EXTL3: variants seen among roughly 807,000 people sequenced by gnomAD.
EXTL3 encodes exostosin like glycosyltransferase 3.
A neutral mutation model predicts 69.3 loss-of-function variants in EXTL3; 27 were observed. That is an observed-to-expected ratio of 0.39 (90% confidence interval 0.29 to 0.54). The LOEUF is 0.54. Ranked by LOEUF, EXTL3 falls within the 20% of genes least tolerant of loss-of-function variation. The pLI is 0.69. For synonymous variants in EXTL3, 511 were observed against 499.4 expected (o/e 1.02, Z -0.31); for missense variants, 1,003 against 1,231.8 (o/e 0.81, Z 2.78).
chr8:28,745,711 G>C (rs1029643827), intron 6 of EXTL3, among the ~76,000 whole-genome samples: 1 of 152,216 alleles, frequency 6.6e-6, no homozygotes, highest in Admixed American at 6.5e-5. Flanking sequence ...AATAGCATCA[G>C]TTACCTGAGC....
Position 28,751,171 on chromosome 8 carries a change from G to A in EXTL3, c.*305G>A, listed in dbSNP as rs920452382. On this transcript the variant is annotated 3_prime_UTR_variant, in exon 7 of 7. Coordinates refer to ENST00000220562, the MANE Select transcript of EXTL3 (RefSeq NM_001440.4). ...TTCGTACGCCCAGGACAGCTGGTTC[G>A]TGGTTTTTACATTCAATAACAACTA... The A allele has an allele frequency of 1.2e-5, 5 of 412,910 alleles. No homozygotes were observed. Among genetic ancestry groups the A allele is most frequent in the African/African-American group, 3.9e-5 (2 of 50,810 alleles). The allele number at this position is 412,910 out of a possible 1,614,324, so 25.6% of individuals were successfully genotyped here.
intron 6 of EXTL3, among the ~76,000 whole-genome samples, chr8:28,745,522 G>A (rs550296206): frequency 1.2e-4 from 19 of 152,304 alleles, no homozygotes; most frequent in Non-Finnish European, 2.9e-5. Flanking sequence ...GAGGTAGGGA[G>A]GCAAAGGTTT....
At chr8:28,636,590 C>T (rs1005537273) in intron 1 of EXTL3, among the ~76,000 whole-genome samples, 26 of 152,186 alleles carry the variant, frequency 1.7e-4, no homozygotes, top group African/African-American at 6.3e-4. Context: ...CTTACAAGCA[C>T]AGTTTGAGTT....
rs773355880 is a variant in EXTL3, at chr8:28,743,222, C to G, written c.2550+8C>G. ...CGGAAGCCCCCCATCAAGGTGAGGT[C>G]CCACCACTGGTGGGGCTGTGGATGC... On this transcript the variant is annotated splice_region_variant and intron_variant, in intron 6 of 6. Coordinates refer to ENST00000220562, the MANE Select transcript of EXTL3 (RefSeq NM_001440.4). 1.5e-5 allele frequency: 25 copies of G among 1,614,030 alleles called. No homozygotes were observed. Among genetic ancestry groups the G allele is most frequent in the Non-Finnish European group, 1.8e-5 (21 of 1,180,016 alleles).
chr8:28,734,728 A>G (rs1461882221), intron 4 of EXTL3, among the ~76,000 whole-genome samples: 1 of 152,158 alleles, frequency 6.6e-6, no homozygotes, highest in African/African-American at 2.4e-5. Context: ...AACAAAAAAA[A>G]CACTGGAGTA....
In EXTL3 at chr8:28,750,895, G is replaced by A. The variant is rs1285505699; in HGVS notation, c.*29G>A. On this transcript the variant is annotated 3_prime_UTR_variant, in exon 7 of 7. Coordinates refer to ENST00000220562, the MANE Select transcript of EXTL3 (RefSeq NM_001440.4). The surrounding 1 kb of genome is among the most constrained non-coding windows in gnomAD (Gnocchi z 5.2). ...CAGCGCACGGTCTGGGGAAGAGGAT[G>A]AGCAGAGGGAGGAAGATGGCTCCCA... The A allele has an allele frequency of 2.5e-6, 4 of 1,596,056 alleles. No individual in the cohort carries two copies. In the Admixed American group the frequency reaches 6.7e-5, roughly 27 times the overall value.
At chr8:28,644,540 A>G (rs1806798515) in intron 1 of EXTL3, among the ~76,000 whole-genome samples, 1 of 152,108 alleles carries the variant, frequency 6.6e-6, no homozygotes, top group Non-Finnish European at 1.5e-5. Flanking sequence ...CTCTACAGAA[A>G]TTTTGAAAAT....
intron 1 of EXTL3, among the ~76,000 whole-genome samples, chr8:28,636,057 A>G (rs1389080585): frequency 6.6e-6 from 1 of 151,850 alleles, no homozygotes; most frequent in Non-Finnish European, 1.5e-5. Context: ...TTGGTCCAGC[A>G]CAGTGGCTCA....
intron 6 of EXTL3, among the ~76,000 whole-genome samples, chr8:28,744,322 A>G (rs2130795184): frequency 6.6e-6 from 1 of 152,344 alleles, no homozygotes; most frequent in Non-Finnish European, 1.5e-5. Flanking sequence ...ATTTAATTTT[A>G]TGAAATAGGT....
intron 4 of EXTL3, among the ~76,000 whole-genome samples, chr8:28,735,096 A>AT (rs1378865086): frequency 1.5e-5 from 2 of 136,284 alleles, no homozygotes; most frequent in Non-Finnish European, 3.1e-5. Context: ...ACCGAGGTGT[A>AT]TTTTTTTTAC....
At chr8:28,645,872 T>G (rs13270425) in intron 1 of EXTL3, among the ~76,000 whole-genome samples, 29,621 of 151,222 alleles carry the variant, frequency 0.2, 3,583 homozygotes, top group Non-Finnish European at 0.26. Context: ...ATTGATTGAT[T>G]GATTGATCGA....
Position 28,743,164 on chromosome 8 carries a change from A to C in EXTL3, c.2500A>C (p.Ile834Leu), listed in dbSNP as rs778619061. The change falls in exon 6 of 7, where the codon ATT becomes CTT. Residue 834 changes from isoleucine to leucine, a missense_variant. Ile to Leu is a conservative substitution (Grantham distance 5). Around this residue, in one of 2 missense-constraint regions of EXTL3, gnomAD observed 261 missense variants for 416.4 expected, o/e 0.63. Coordinates refer to ENST00000220562, the MANE Select transcript of EXTL3 (RefSeq NM_001440.4). ...GGATGAATACATCAACTGTGAGGAC[A>C]TTGCCATGAACTTCCTTGTCTCCCA... ...MVDEYINCED[I>L]AMNFLVSHIT... The C allele has an allele frequency of 5.0e-6, 8 of 1,614,088 alleles. No homozygotes were observed. The highest frequency in any genetic ancestry group is 6.8e-6 in the Non-Finnish European group (8 of 1,180,032).
intron 6 of EXTL3, among the ~76,000 whole-genome samples, chr8:28,745,337 T>C (rs1334261021): frequency 6.6e-6 from 1 of 152,236 alleles, no homozygotes; most frequent in African/African-American, 2.4e-5. Context: ...TCCCAGGGTT[T>C]CATCTGTTGC....
upstream of EXTL3, among the ~76,000 whole-genome samples, chr8:28,621,719 A>C (rs991594312): frequency 2.0e-5 from 3 of 152,220 alleles, no homozygotes; most frequent in Non-Finnish European, 4.4e-5. Context: ...ACCACTCAGA[A>C]ACGTTAAAAA....
At chr8:28,721,747 G>C (rs1801296641) in intron 3 of EXTL3, among the ~76,000 whole-genome samples, 1 of 152,122 alleles carries the variant, frequency 6.6e-6, no homozygotes, top group East Asian at 1.9e-4. Context: ...ATTTTGGTTT[G>C]AGTTACTACT....
upstream of EXTL3, chr8:28,697,565 T>C (rs1018771399): frequency 1.3e-5 from 2 of 152,192 alleles, no homozygotes; most frequent in Non-Finnish European, 2.9e-5. Context: ...CTGGGTGTGG[T>C]GGCTGATGCC....
intron 1 of EXTL3, among the ~76,000 whole-genome samples, chr8:28,680,405 A>C (rs1202638545): frequency 2.0e-5 from 3 of 147,380 alleles, no homozygotes; most frequent in South Asian, 4.3e-4. Flanking sequence ...AAAAAAAAAA[A>C]CAGCATACTA....
At position 28,716,308 on chromosome 8, in the gene EXTL3, C is replaced by T; in HGVS notation, c.249C>T (p.Cys83=). The change falls in exon 3 of 7, where the codon TGC becomes TGT. Residue 83 remains cysteine, a synonymous_variant. Coordinates refer to ENST00000220562, the MANE Select transcript of EXTL3 (RefSeq NM_001440.4). This position sits in a 1 kb window ranked among gnomAD's most constrained non-coding sequence, Gnocchi z 7.1. Reference sequence around the variant, plus strand: ...AGGTGAAGCACGTGCTGGATCTGTGCCGCATCCGGGAGTCGGTGAGTGAAG... The same window carrying T: ...AGGTGAAGCACGTGCTGGATCTGTGTCGCATCCGGGAGTCGGTGAGTGAAG... ...LCEVKHVLDL[C]RIRESVSEEL... The T allele has an allele frequency of 6.2e-7, 1 of 1,614,176 alleles. No individual in the cohort carries two copies. Among genetic ancestry groups the T allele is most frequent in the Non-Finnish European group, 8.5e-7 (1 of 1,180,024 alleles).
At chr8:28,741,244 A>G (rs1801772967) in intron 5 of EXTL3, 1 of 152,174 alleles carries the variant, frequency 6.6e-6, no homozygotes, top group African/African-American at 2.4e-5. Context: ...TGATGGAAAT[A>G]CCTCTGAACA....
Sources: allele counts gnomAD v4.1 joint callset (sites outside exome capture counted in the v4.1 genomes callset), GRCh38; gene constraint gnomAD v4.1.1; regional missense constraint gnomAD v4.1.1; non-coding constraint Gnocchi (gnomAD v3.1); transcripts MANE v1.5; gene names NCBI Gene and HGNC (gene_info 2026-07-23, HGNC 2026-07-21).